The following NSD3 variants were observed in gnomAD, a reference collection of about 807,000 sequenced individuals.
NSD3 encodes nuclear receptor binding SET domain protein 3.
In NSD3, 24 loss-of-function variants were observed where a neutral mutation model predicts 160.8. The observed-to-expected ratio is 0.15, with a 90% CI of 0.11 to 0.21. NSD3 has a LOEUF of 0.21. Ranked by LOEUF, NSD3 falls within the 10% of genes least tolerant of loss-of-function variation. The pLI is 1.00. For synonymous variants in NSD3, 520 were observed against 600.0 expected, an observed-to-expected ratio of 0.87 and a Z score of 1.95; for missense variants, 1,157 against 1,735.9, an observed-to-expected ratio of 0.67 and a Z score of 5.93.
chr8:38,325,474 AG>A (rs1809885687), intron 7 of NSD3, among the ~76,000 whole-genome samples: 1 of 152,242 alleles, frequency 6.6e-6, no homozygotes, highest in African/African-American at 2.4e-5. Context: ...GGCTATATGA[AG>A]CAAGCAGTAT....
chr8:38,300,612 A>G (rs1350161338), intron 14 of NSD3, among the ~76,000 whole-genome samples: 1 of 152,196 alleles, frequency 6.6e-6, no homozygotes, highest in Non-Finnish European at 1.5e-5. Flanking sequence ...AATTACAGCT[A>G]TGCTACTTGG....
chr8:38,354,514 C>T lies in NSD3; in HGVS notation c.-44-6299G>A, dbSNP rs573550883. 7.2e-5 allele frequency among the ~76,000 whole-genome samples: 11 copies of T among 152,220 alleles called. No individual in the cohort carries two copies. In the East Asian group the frequency reaches 7.7e-4, roughly 11 times the overall value. On this transcript the variant is annotated intron_variant, in intron 1 of 23. Transcript: ENST00000317025. The stretch of plus-strand genomic sequence containing the variant: ...CTGATAATGCTATTCTGTTTATATA[C>T]GAGAATGTTCTCATTCTTAGGAGAG...
At chr8:38,300,638 CTACCTGTGGT>C in intron 14 of NSD3, among the ~76,000 whole-genome samples, 1 of 152,278 alleles carries the variant, frequency 6.6e-6, no homozygotes, top group Middle Eastern at 3.4e-3. Context: ...AACACTAAAG[CTACCTGTGGT>C]TCCCTCTTCT....
Position 38,348,356 on chromosome 8 carries a change from C to G in NSD3, c.-44-141G>C, listed in dbSNP as rs1201723805. ...GCATAGACATTAAATATTTCTAAAACAGATAACTGATATAATTCTGACACA... is the reference window on the plus strand; with the variant it reads ...GCATAGACATTAAATATTTCTAAAAGAGATAACTGATATAATTCTGACACA... On this transcript the variant is annotated intron_variant, in intron 1 of 23. Transcript: ENST00000317025. The G allele has an allele frequency of 5.2e-6, 3 of 572,422 alleles. No individual in the cohort carries two copies. In the East Asian group the frequency reaches 9.3e-5, roughly 18 times the overall value. 35.5% of individuals were successfully genotyped at this position (572,422 alleles called of 1,614,324 possible).
intron 7 of NSD3, among the ~76,000 whole-genome samples, chr8:38,325,175 C>T (rs1809878231): frequency 6.6e-6 from 1 of 152,208 alleles, no homozygotes; most frequent in South Asian, 2.1e-4. Context: ...GAAGTGGGGG[C>T]AGTCTCATAG....
intron 12 of NSD3, among the ~76,000 whole-genome samples, chr8:38,310,800 C>T (rs1204599792): frequency 6.6e-6 from 1 of 151,976 alleles, no homozygotes; most frequent in Non-Finnish European, 1.5e-5. Flanking sequence ...GTGTGAGACA[C>T]TACGCCTGGC....
At chr8:38,300,900 C>T (rs1195093657) in intron 14 of NSD3, among the ~76,000 whole-genome samples, 1 of 152,150 alleles carries the variant, frequency 6.6e-6, no homozygotes, top group Non-Finnish European at 1.5e-5. Flanking sequence ...TACACTGAGA[C>T]GAATTCAAGA....
At position 38,307,044 on chromosome 8, in the gene NSD3, G is replaced by C. The variant is rs1809416141; in HGVS notation, c.2243-1599C>G. Reference sequence around the variant, plus strand: ...GCAGGAGAATGGCGTCAACCCGGGAGGTGGAACCTGCAGTGAGCCGAAATC... The same window carrying C: ...GCAGGAGAATGGCGTCAACCCGGGACGTGGAACCTGCAGTGAGCCGAAATC... On this transcript the variant is annotated intron_variant, in intron 12 of 23. Transcript: ENST00000317025. Among the ~76,000 whole-genome samples, 3 of 151,194 alleles carry C rather than the reference G, an allele frequency of 2.0e-5. No individual in the cohort carries two copies. In the South Asian group the frequency reaches 6.2e-4, roughly 31 times the overall value.
rs773241909 is a variant in NSD3, at chr8:38,289,478, T to C, written c.3146A>G (p.Gln1049Arg). ...ACTTTCTCTTTGTGCTTTCAATTCC[T>C]GGAAACGTTTTGCAGCTTCTTCCAG... ...KALEEAAKRF[Q>R]ELKAQRESKE... The change falls in exon 18 of 24, where the codon CAG (glutamine) becomes CGG (arginine). Residue 1049 changes from glutamine to arginine, a missense_variant. Physicochemically the swap from Gln to Arg is conservative, Grantham distance 43. Coordinates refer to ENST00000317025, the MANE Select transcript of NSD3 (RefSeq NM_023034.2). 3.3e-5 allele frequency: 54 copies of C among 1,613,656 alleles called. No individual in the cohort carries two copies. The highest frequency in any genetic ancestry group is 4.6e-5 in the Non-Finnish European group (54 of 1,179,910).
At position 38,274,028 on chromosome 8, in the gene NSD3, T is replaced by C. The variant is rs921392255; in HGVS notation, c.*1613A>G. 2.0e-5 allele frequency: 3 copies of C among 152,188 alleles called. No homozygotes were observed. Among genetic ancestry groups the C allele is most frequent in the Non-Finnish European group, 4.4e-5 (3 of 68,016 alleles). 9.4% of individuals were successfully genotyped at this position (152,188 alleles called of 1,614,324 possible). A position where few individuals can be genotyped will look rare whatever the true frequency, so the allele number is the denominator to read the frequency against. The stretch of plus-strand genomic sequence containing the variant: ...ATTGATAAGCAAATGGAACACTCAA[T>C]ACAGCTGAAGGAATGTGGTAGAGCA... On this transcript the variant is annotated 3_prime_UTR_variant, in exon 24 of 24. Transcript: ENST00000317025.
At chr8:38,299,325 G>T in intron 15 of NSD3, 119 bp downstream of exon 15, 1 of 1,068,238 alleles carries the variant, frequency 9.4e-7, no homozygotes, top group Non-Finnish European at 1.3e-6. Flanking sequence ...AACCACCAAG[G>T]CAGAATTTAC....
At chr8:38,279,786 G>GT (rs1739995017) in intron 20 of NSD3, 105 bp from the exon 21 acceptor site, 1 of 1,272,516 alleles carries the variant, frequency 7.9e-7, no homozygotes, top group African/African-American at 1.5e-5. Flanking sequence ...ACCAACTGGT[G>GT]TTTGACAACT....
rs1267459548 is a variant in NSD3, at chr8:38,331,605, T to C, written c.911-20A>G. 3 of 1,608,584 alleles carry C rather than the reference T, an allele frequency of 1.9e-6. No individual in the cohort carries two copies. The highest frequency in any genetic ancestry group is 1.3e-5 in the African/African-American group (1 of 74,714). ...GGGCACCTGTAAGTAAAAATTCTTA[T>C]TAACCATTTCAGAACATAAGCATTC... On this transcript the variant is annotated intron_variant, in intron 4 of 23. Transcript: ENST00000317025.
chr8:38,278,547 A>G lies in NSD3; in HGVS notation c.3761-135T>C, dbSNP rs1256723362. Reference sequence around the variant, plus strand: ...GTTTCCCTTGCCAGTGTTCTACCTCATTGATAACAGTGATGGTAAAAAAAG... The same window carrying G: ...GTTTCCCTTGCCAGTGTTCTACCTCGTTGATAACAGTGATGGTAAAAAAAG... On this transcript the variant is annotated intron_variant, in intron 21 of 23. Coordinates refer to ENST00000317025, the MANE Select transcript of NSD3 (RefSeq NM_023034.2). 12 of 662,608 alleles carry G rather than the reference A, an allele frequency of 1.8e-5. No homozygotes were observed. In the South Asian group the frequency reaches 2.2e-4, roughly 12 times the overall value. 41.0% of individuals were successfully genotyped at this position (662,608 alleles called of 1,614,324 possible).
At chr8:38,352,595 T>TTTTGTTTG (rs562839477) in intron 1 of NSD3, among the ~76,000 whole-genome samples, 1 of 152,090 alleles carries the variant, frequency 6.6e-6, no homozygotes, top group African/African-American at 2.4e-5. Context: ...TCCATGTTGT[T>TTTTGTTTG]TTTGTTTGTT....
intron 1 of NSD3, among the ~76,000 whole-genome samples, chr8:38,354,309 G>GA (rs1810771096): frequency 6.6e-6 from 1 of 152,126 alleles, no homozygotes; most frequent in African/African-American, 2.4e-5. Flanking sequence ...ATGAAAGGTG[G>GA]AAAGACTATT....
At chr8:38,284,961 C>T (rs911883200) in intron 19 of NSD3, among the ~76,000 whole-genome samples, 13 of 152,268 alleles carry the variant, frequency 8.5e-5, no homozygotes, top group African/African-American at 3.1e-4. Context: ...TTTCAGATGT[C>T]CTGAGACAGA....
In NSD3 at chr8:38,317,904, T is replaced by G; in HGVS notation, c.1855+991A>C. The stretch of plus-strand genomic sequence containing the variant: ...TTATCAAGCCGCCGACAAAGAAATC[T>G]TGCATGGAGACTACAAGTCTGGAGT... On this transcript the variant is annotated intron_variant, in intron 9 of 23. Transcript: ENST00000317025. The surrounding 1 kb of genome is among the most constrained non-coding windows in gnomAD (Gnocchi z 5.3). 1 of 1,605,924 alleles carries G rather than the reference T, an allele frequency of 6.2e-7. No individual in the cohort carries two copies. Among genetic ancestry groups the G allele is most frequent in the Non-Finnish European group, 8.5e-7 (1 of 1,176,196 alleles).
rs544410493 is a variant in NSD3, at chr8:38,316,557, A to G, written c.1856-515T>C. On this transcript the variant is annotated intron_variant, in intron 9 of 23. Transcript: ENST00000317025. The surrounding 1 kb of genome is among the most constrained non-coding windows in gnomAD (Gnocchi z 4.5). ...CAATTCAGTTGATTATTGCCCCCCA[A>G]TAAAATTTGGATGTTCATAATTGTT... 6 of 1,049,670 alleles carry G rather than the reference A, an allele frequency of 5.7e-6. No individual in the cohort carries two copies. Among genetic ancestry groups the G allele is most frequent in the Admixed American group, 5.5e-5 (1 of 18,340 alleles). 65.0% of individuals were successfully genotyped at this position (1,049,670 alleles called of 1,614,324 possible). A position where few individuals can be genotyped will look rare whatever the true frequency, so the allele number is the denominator to read the frequency against.
Sources: gnomAD v4.1 joint callset for allele counts (sites outside exome capture counted in the v4.1 genomes callset) on GRCh38, gnomAD v4.1.1 for gene constraint, Gnocchi (gnomAD v3.1) non-coding constraint, MANE v1.5 for transcripts, NCBI Gene and HGNC (gene_info 2026-07-23, HGNC 2026-07-21) for gene names.